CDH17: variants seen among roughly 807,000 people sequenced by gnomAD.
The protein encoded by CDH17 is cadherin 17.
Under a neutral mutation model 86.3 loss-of-function variants are expected in CDH17, and 67 were observed. The observed-to-expected ratio is 0.78, with a 90% CI of 0.64 to 0.95. The LOEUF is 0.95. CDH17 is among the 40% of genes least tolerant of loss of function. CDH17 has a pLI of 0.00. For synonymous variants in CDH17, 367 were observed against 366.4 expected (o/e 1.00, Z -0.02); for missense variants, 993 against 1,017.6 (o/e 0.98, Z 0.33).
chr8:94,184,450 T>G (rs908855171), intron 3 of CDH17, among the ~76,000 whole-genome samples: 1 of 152,302 alleles, frequency 6.6e-6, no homozygotes, highest in Middle Eastern at 3.4e-3. Context: ...TAAAATACTA[T>G]GGTACATAAA....
intron 1 of CDH17, among the ~76,000 whole-genome samples, chr8:94,215,743 T>C (rs1312908130): frequency 6.6e-6 from 1 of 152,140 alleles, no homozygotes; most frequent in Non-Finnish European, 1.5e-5. Flanking sequence ...GACATAAATA[T>C]ACAAAACATA....
intron 15 of CDH17, among the ~76,000 whole-genome samples, chr8:94,145,495 G>C (rs1321426202): frequency 6.6e-6 from 1 of 152,150 alleles, no homozygotes; most frequent in Non-Finnish European, 1.5e-5. Context: ...GATTATAATA[G>C]GGCATGAAAT....
chr8:94,141,522 A>G (rs1812638303), intron 15 of CDH17, among the ~76,000 whole-genome samples: 2 of 152,174 alleles, frequency 1.3e-5, no homozygotes, highest in South Asian at 2.1e-4. Context: ...CACAGACAAC[A>G]TGATTGTCTA....
At chr8:94,168,983 T>C (rs1813218555) in intron 9 of CDH17, among the ~76,000 whole-genome samples, 1 of 152,176 alleles carries the variant, frequency 6.6e-6, no homozygotes, top group Non-Finnish European at 1.5e-5. Context: ...CAGCTGAACT[T>C]CACCCAGATT....
At chr8:94,161,545 G>C (rs1813051008) in intron 11 of CDH17, among the ~76,000 whole-genome samples, 1 of 152,144 alleles carries the variant, frequency 6.6e-6, no homozygotes, top group Non-Finnish European at 1.5e-5. Context: ...CATTTTTCTT[G>C]AGGTTCTAAA....
Position 94,146,149 on chromosome 8 carries a change from G to T in CDH17, c.1946C>A (p.Ser649Tyr). The change falls in exon 15 of 18, where the codon TCT becomes TAT. Residue 649 changes from serine (S) to tyrosine (Y), a missense_variant. Coordinates refer to ENST00000027335, the MANE Select transcript of CDH17 (RefSeq NM_004063.4). ...AAGGATCAGGTGGAACTCTGACACAGAGCTCAAGGAAGACCCCCCTAAGGA... is the reference window on the plus strand; with the variant it reads ...AAGGATCAGGTGGAACTCTGACACATAGCTCAAGGAAGACCCCCCTAAGGA... ...ATEVGGSSLSSVSEFHLILMD... is the reference protein window; with the variant it reads ...ATEVGGSSLSYVSEFHLILMD... The T allele has an allele frequency of 6.4e-7, 1 of 1,568,888 alleles. No individual in the cohort carries two copies. The highest frequency in any genetic ancestry group is 8.6e-7 in the Non-Finnish European group (1 of 1,157,966).
intron 1 of CDH17, among the ~76,000 whole-genome samples, chr8:94,215,104 A>G (rs960515202): frequency 7.2e-5 from 11 of 152,236 alleles, no homozygotes; most frequent in Admixed American, 6.5e-4. Flanking sequence ...AAACTTAAAT[A>G]TAGAGTTACC....
intron 1 of CDH17, chr8:94,202,292 C>T (rs1813931418): frequency 1.3e-5 from 2 of 152,496 alleles, no homozygotes; most frequent in Admixed American, 6.5e-5. Flanking sequence ...GCCTCAGCCT[C>T]TCAAGTAGCT....
At chr8:94,215,659 T>G (rs1014343725) in intron 1 of CDH17, among the ~76,000 whole-genome samples, 5 of 152,196 alleles carry the variant, frequency 3.3e-5, no homozygotes, top group African/African-American at 1.2e-4. Context: ...CAATTATATC[T>G]CAATAAAGCT....
intron 9 of CDH17, among the ~76,000 whole-genome samples, chr8:94,169,839 GC>G (rs1022433608): frequency 6.6e-6 from 1 of 152,050 alleles, no homozygotes; most frequent in African/African-American, 2.4e-5. Context: ...GCAAGACAAA[GC>G]AAAAATGATA....
intron 12 of CDH17, among the ~76,000 whole-genome samples, chr8:94,153,283 C>A (rs149916408): frequency 6.6e-6 from 1 of 152,250 alleles, no homozygotes; most frequent in African/African-American, 2.4e-5. Context: ...CATTACTAAT[C>A]ATCAGAGAAA....
intron 1 of CDH17, among the ~76,000 whole-genome samples, chr8:94,216,685 ACTT>A (rs1224298036): frequency 6.6e-6 from 1 of 151,864 alleles, no homozygotes. Flanking sequence ...AGGTAGCTGT[ACTT>A]CTTCTAAGTT....
intron 13 of CDH17, among the ~76,000 whole-genome samples, chr8:94,149,449 A>G (rs964979754): frequency 6.6e-6 from 1 of 152,178 alleles, no homozygotes; most frequent in Admixed American, 6.5e-5. Context: ...ATAGACAGAT[A>G]AACAGTTGAT....
intron 10 of CDH17, 99 bp downstream of exon 10, chr8:94,165,662 G>T (rs971185406): frequency 9.8e-6 from 8 of 813,058 alleles, no homozygotes; most frequent in Admixed American, 5.8e-5. Flanking sequence ...TGTTTAAATG[G>T]CATCATTCTA....
intron 1 of CDH17, among the ~76,000 whole-genome samples, chr8:94,216,347 TGGA>T (rs1329931814): frequency 3.3e-5 from 5 of 151,988 alleles, no homozygotes; most frequent in African/African-American, 1.2e-4. Context: ...CACAGTGCAG[TGGA>T]GGAGGAGGGG....
intron 10 of CDH17, among the ~76,000 whole-genome samples, chr8:94,162,520 G>A (rs897555200): frequency 3.9e-5 from 6 of 152,216 alleles, no homozygotes; most frequent in African/African-American, 1.4e-4. Context: ...TCAAAGTCCA[G>A]AGCAAAACTG....
intron 15 of CDH17, among the ~76,000 whole-genome samples, chr8:94,138,463 C>CAG (rs1812575382): frequency 6.6e-6 from 1 of 152,172 alleles, no homozygotes; most frequent in Non-Finnish European, 1.5e-5. Context: ...GGAGCTCAGA[C>CAG]AGAGCCCAGT....
chr8:94,199,434 C>T (rs1250239965), intron 1 of CDH17, among the ~76,000 whole-genome samples: 2 of 150,918 alleles, frequency 1.3e-5, no homozygotes, highest in Non-Finnish European at 2.9e-5. Flanking sequence ...CAGAACTGGT[C>T]GAACTAGATC....
intron 2 of CDH17, among the ~76,000 whole-genome samples, chr8:94,191,135 CA>C (rs900193792): frequency 6.7e-5 from 10 of 149,656 alleles, no homozygotes; most frequent in African/African-American, 2.4e-4. Context: ...TGGCAGTGGT[CA>C]AGCTTCCATA....
Sources: allele counts gnomAD v4.1 joint callset (sites outside exome capture counted in the v4.1 genomes callset), GRCh38; gene constraint gnomAD v4.1.1; transcripts MANE v1.5; gene names NCBI Gene and HGNC (gene_info 2026-07-23, HGNC 2026-07-21).